The following AHI1 variants were observed in gnomAD, a reference collection of about 807,000 sequenced individuals.
The protein encoded by AHI1 is Abelson helper integration site 1, also known as jouberin.
A neutral mutation model predicts 149.3 loss-of-function variants in AHI1; 123 were observed. The observed-to-expected ratio is 0.82, with a 90% CI of 0.71 to 0.96. The LOEUF (loss-of-function observed/expected upper bound fraction) is 0.96, where lower values mean the gene tolerates loss of function less well. Ranked by LOEUF, AHI1 falls within the 40% of genes least tolerant of loss-of-function variation. The probability of loss-of-function intolerance (pLI) is 0.00; values close to 1 mark genes in which losing one functional copy is unlikely to be tolerated. For missense variants in AHI1, 1,439 were observed against 1,422.7 expected (o/e 1.01, Z -0.18); for synonymous variants, 475 against 459.8 (o/e 1.03, Z -0.42).
chr6:135,341,695 C>T (rs916539872), intron 24 of AHI1, among the ~76,000 whole-genome samples: 4 of 151,638 alleles, frequency 2.6e-5, no homozygotes, highest in African/African-American at 4.8e-5. Context: ...ATGTATGGAA[C>T]GTAAACAACA....
chr6:135,443,509 C>T (rs1180164024), intron 13 of AHI1, among the ~76,000 whole-genome samples: 1 of 152,156 alleles, frequency 6.6e-6, no homozygotes, highest in African/African-American at 2.4e-5. Context: ...ATCACAGCCA[C>T]CCTATGAGTA....
At chr6:135,376,623 CCTATAATCCCAGCACT>C in intron 23 of AHI1, among the ~76,000 whole-genome samples, 1 of 151,944 alleles carries the variant, frequency 6.6e-6, no homozygotes, top group East Asian at 1.9e-4. Context: ...GTGGCTCACG[CCTATAATCCCAGCACT>C]TTGGGAGGCC....
chr6:135,324,732 G>C (rs965605655), intron 24 of AHI1, among the ~76,000 whole-genome samples: 1 of 151,938 alleles, frequency 6.6e-6, no homozygotes, highest in Non-Finnish European at 1.5e-5. Context: ...CATGCATGTT[G>C]ATAAAGTTCA....
chr6:135,386,374 G>T (rs1777588073), intron 23 of AHI1, among the ~76,000 whole-genome samples: 1 of 151,278 alleles, frequency 6.6e-6, no homozygotes, highest in Non-Finnish European at 1.5e-5. Flanking sequence ...GCAGTGGCAT[G>T]ATCTCGGCTC....
At chr6:135,421,637 G>C (rs1049643867) in intron 20 of AHI1, among the ~76,000 whole-genome samples, 1 of 151,790 alleles carries the variant, frequency 6.6e-6, no homozygotes, top group Non-Finnish European at 1.5e-5. Flanking sequence ...TCATGCATTA[G>C]TGCAATTAAA....
intron 15 of AHI1, among the ~76,000 whole-genome samples, chr6:135,437,770 G>T (rs937411669): frequency 6.6e-6 from 1 of 152,018 alleles, no homozygotes; most frequent in Non-Finnish European, 1.5e-5. Flanking sequence ...AAAACTAACA[G>T]TATTTTTAGA....
At chr6:135,336,749 T>C (rs1445247459) in intron 24 of AHI1, among the ~76,000 whole-genome samples, 1 of 152,210 alleles carries the variant, frequency 6.6e-6, no homozygotes, top group Non-Finnish European at 1.5e-5. Flanking sequence ...TGATGTTCAT[T>C]TACTGTTACT....
intron 21 of AHI1, among the ~76,000 whole-genome samples, chr6:135,407,676 A>G (rs1279832123): frequency 6.6e-6 from 1 of 152,184 alleles, no homozygotes; most frequent in Non-Finnish European, 1.5e-5. Context: ...TTTATAATAA[A>G]TTATCAATTT....
In AHI1 at chr6:135,349,593, T is replaced by G. The variant is rs17707742; in HGVS notation, c.3165+8539A>C. ...TGCCCACTTATTAAGCGGCATGAAGTTTTCAACAAAAATGGTGGTGGGTGT... is the reference window on the plus strand; with the variant it reads ...TGCCCACTTATTAAGCGGCATGAAGGTTTCAACAAAAATGGTGGTGGGTGT... On this transcript the variant is annotated intron_variant, in intron 24 of 28. Coordinates refer to ENST00000265602, the MANE Select transcript of AHI1 (RefSeq NM_001134831.2). 9.9e-3 allele frequency among the ~76,000 whole-genome samples: 1,511 copies of G among 152,220 alleles called. 16 individuals carry two copies. Among genetic ancestry groups the G allele is most frequent in the Middle Eastern group, 0.027 (8 of 294 alleles).
chr6:135,440,491 T>C (rs1222856055), intron 14 of AHI1, among the ~76,000 whole-genome samples: 1 of 152,130 alleles, frequency 6.6e-6, no homozygotes, highest in Non-Finnish European at 1.5e-5. Flanking sequence ...CATCCATGTA[T>C]GTGAAGGGAA....
At chr6:135,394,287 T>C (rs1292494271) in intron 23 of AHI1, among the ~76,000 whole-genome samples, 1 of 152,088 alleles carries the variant, frequency 6.6e-6, no homozygotes. Flanking sequence ...GCCAAAACAA[T>C]TGTATAGTTC....
At position 135,465,815 on chromosome 6, in the gene AHI1, T is replaced by C; in HGVS notation, c.748A>G (p.Ser250Gly). 2 of 1,449,762 alleles carry C rather than the reference T, an allele frequency of 1.4e-6. No homozygotes were observed. Among genetic ancestry groups the C allele is most frequent in the Non-Finnish European group, 1.8e-6 (2 of 1,103,050 alleles). 89.8% of individuals were successfully genotyped at this position (1,449,762 alleles called of 1,614,324 possible). ...TTACATTTATCAATGCAAAAATACC[T>C]TGTTTCAGCTTTAGAGAAGACTGGA... is the stretch of plus-strand genomic sequence containing the variant. Reference protein sequence around the residue: ...EVPVFSKAETSTLTISGDTVE... With the variant: ...EVPVFSKAETGTLTISGDTVE... The change falls in exon 7 of 29, where the codon AGT becomes GGT. Residue 250 changes from serine to glycine, a missense_variant and splice_region_variant. Transcript: ENST00000265602.
chr6:135,368,278 G>T (rs1225198609), intron 23 of AHI1, among the ~76,000 whole-genome samples: 1 of 152,154 alleles, frequency 6.6e-6, no homozygotes, highest in Non-Finnish European at 1.5e-5. Context: ...GATGGTCCTT[G>T]GTTGTAGTTT....
At chr6:135,292,093 T>C (rs1782424144) in intron 27 of AHI1, among the ~76,000 whole-genome samples, 1 of 150,280 alleles carries the variant, frequency 6.7e-6, no homozygotes, top group South Asian at 2.1e-4. Flanking sequence ...AATATGTAAA[T>C]ATCTGGGCAG....
At chr6:135,394,974 G>T in intron 22 of AHI1, 78 bp from the exon 23 acceptor site, 1 of 1,457,420 alleles carries the variant, frequency 6.9e-7, no homozygotes, top group Non-Finnish European at 9.3e-7. Context: ...AGAAATATTT[G>T]CTTATTATAC....
chr6:135,388,050 T>C (rs373270480), intron 23 of AHI1: 8 of 1,613,428 alleles, frequency 5.0e-6, no homozygotes, highest in South Asian at 1.1e-5. Context: ...AACAAATTCT[T>C]GTCGTTAAAA....
chr6:135,370,459 A>T (rs770220275), intron 23 of AHI1, among the ~76,000 whole-genome samples: 4 of 152,198 alleles, frequency 2.6e-5, no homozygotes, highest in Non-Finnish European at 2.9e-5. Flanking sequence ...TTCAGATTCC[A>T]ATCTATCATG....
chr6:135,302,408 A>G, intron 26 of AHI1: 1 of 989,604 alleles, frequency 1.0e-6, no homozygotes, highest in Non-Finnish European at 1.2e-6. Context: ...AAAATGAATA[A>G]TATGTTGCCA....
At chr6:135,313,994 CT>C (rs1280579051) in intron 26 of AHI1, among the ~76,000 whole-genome samples, 2 of 152,132 alleles carry the variant, frequency 1.3e-5, no homozygotes, top group Non-Finnish European at 2.9e-5. Context: ...TTAATACAGA[CT>C]AAAAGTATTG....
Sources: allele counts gnomAD v4.1 joint callset (sites outside exome capture counted in the v4.1 genomes callset), GRCh38; gene constraint gnomAD v4.1.1; transcripts MANE v1.5; gene names NCBI Gene and HGNC (gene_info 2026-07-23, HGNC 2026-07-21).